Variants in CDKAL1 observed in about 807,000 individuals in gnomAD.
CDKAL1 encodes the protein threonylcarbamoyladenosine tRNA methylthiotransferase.
A neutral mutation model predicts 68.2 loss-of-function variants in CDKAL1; 32 were observed. That is an observed-to-expected ratio of 0.47 (90% confidence interval 0.35 to 0.63). The LOEUF (loss-of-function observed/expected upper bound fraction) is 0.63, where lower values mean the gene tolerates loss of function less well. Among genes scored for constraint, CDKAL1 ranks in the 30% least tolerant of loss-of-function variants. The pLI, the probability that CDKAL1 is intolerant of heterozygous loss-of-function variation, is 0.00. For missense variants in CDKAL1, 606 were observed against 696.7 expected (o/e 0.87, Z 1.47); for synonymous variants, 234 against 244.3 (o/e 0.96, Z 0.39).
intron 9 of CDKAL1, among the ~76,000 whole-genome samples, chr6:20,907,392 A>C (rs955917394): frequency 2.6e-5 from 4 of 152,226 alleles, no homozygotes; most frequent in African/African-American, 9.7e-5. Context: ...ACTGCACTCC[A>C]GTTTGGATGA....
chr6:21,029,635 G>GA (rs1391003900), intron 11 of CDKAL1, among the ~76,000 whole-genome samples: 1 of 151,922 alleles, frequency 6.6e-6, no homozygotes, highest in Admixed American at 6.6e-5. Flanking sequence ...AAATTTACAA[G>GA]AAAAAAACAA....
At chr6:21,072,679 T>C in intron 12 of CDKAL1, among the ~76,000 whole-genome samples, 1 of 150,720 alleles carries the variant, frequency 6.6e-6, no homozygotes, top group African/African-American at 2.4e-5. Flanking sequence ...AGAGTATCTT[T>C]TTTTTTTTTT....
intron 13 of CDKAL1, among the ~76,000 whole-genome samples, chr6:21,188,168 A>G (rs866699574): frequency 1.3e-5 from 2 of 151,900 alleles, no homozygotes; most frequent in African/African-American, 4.8e-5. Context: ...CATACTTGCA[A>G]TTTTTTTCTA....
At chr6:21,149,958 C>T (rs1401258036) in intron 13 of CDKAL1, among the ~76,000 whole-genome samples, 3 of 152,044 alleles carry the variant, frequency 2.0e-5, no homozygotes, top group Non-Finnish European at 2.9e-5. Context: ...CCTGGGTTCA[C>T]GCCATTCTCC....
chr6:20,635,949 A>G (rs1202793921), intron 4 of CDKAL1, among the ~76,000 whole-genome samples: 1 of 152,182 alleles, frequency 6.6e-6, no homozygotes, highest in Non-Finnish European at 1.5e-5. Flanking sequence ...GTAGGGTAAA[A>G]GAGTGTGATC....
At chr6:20,893,016 C>A (rs6456379) in intron 9 of CDKAL1, among the ~76,000 whole-genome samples, 53,745 of 151,992 alleles carry the variant, frequency 0.35, 10,694 homozygotes, top group South Asian at 0.44. Context: ...ACATTGGCTT[C>A]TTTTGTCCTG....
At position 21,145,058 on chromosome 6, in the gene CDKAL1, C is replaced by T. The variant is rs115128029; in HGVS notation, c.1299+36595C>T. Among the ~76,000 whole-genome samples, 801 of 152,212 alleles carry T rather than the reference C, an allele frequency of 5.3e-3. 10 individuals are homozygous for T. The highest frequency in any genetic ancestry group is 0.018 in the African/African-American group (756 of 41,528). ...GTCCCCTTAGGCTGCCCAGAGCCTTCAGGATTGTAATGTCTTACACATGTT... is the reference window on the plus strand; with the variant it reads ...GTCCCCTTAGGCTGCCCAGAGCCTTTAGGATTGTAATGTCTTACACATGTT... On this transcript the variant is annotated intron_variant, in intron 13 of 15. Coordinates refer to ENST00000274695, the MANE Select transcript of CDKAL1 (RefSeq NM_017774.3).
chr6:20,650,733 A>T (rs186275241), intron 5 of CDKAL1, among the ~76,000 whole-genome samples: 1 of 152,204 alleles, frequency 6.6e-6, no homozygotes, highest in African/African-American at 2.4e-5. Flanking sequence ...TTTTTGTATA[A>T]GGTATAAGGA....
intron 2 of CDKAL1, among the ~76,000 whole-genome samples, chr6:20,543,207 A>G (rs572478645): frequency 6.6e-5 from 10 of 152,362 alleles, no homozygotes; most frequent in Admixed American, 2.0e-4. Context: ...GCTGGGTTGC[A>G]TCACAGTCAT....
chr6:20,826,649 A>G (rs1777515095), intron 8 of CDKAL1, among the ~76,000 whole-genome samples: 1 of 152,186 alleles, frequency 6.6e-6, no homozygotes, highest in Non-Finnish European at 1.5e-5. Context: ...CATACTAATC[A>G]CGAACTCCGT....
chr6:20,913,012 C>CA (rs554393179), intron 9 of CDKAL1, among the ~76,000 whole-genome samples: 1 of 147,420 alleles, frequency 6.8e-6, no homozygotes, highest in Non-Finnish European at 1.5e-5. Flanking sequence ...AAAAAGAAAA[C>CA]AAAAAAAAGT....
At chr6:20,722,489 GA>G in intron 5 of CDKAL1, 2 of 315,052 alleles carry the variant, frequency 6.3e-6, no homozygotes, top group Non-Finnish European at 1.2e-5. Flanking sequence ...CAGAATTCCA[GA>G]AAATGGGTTT....
chr6:20,679,495 G>A (rs974717295), intron 5 of CDKAL1, among the ~76,000 whole-genome samples: 1 of 152,094 alleles, frequency 6.6e-6, no homozygotes, highest in African/African-American at 2.4e-5. Flanking sequence ...CAGTTATGTA[G>A]CAATGAGCTC....
At chr6:21,177,695 T>C (rs1021490205) in intron 13 of CDKAL1, among the ~76,000 whole-genome samples, 2 of 151,812 alleles carry the variant, frequency 1.3e-5, no homozygotes, top group Non-Finnish European at 2.9e-5. Flanking sequence ...CAAAGAGATA[T>C]ATTATCTCCA....
intron 9 of CDKAL1, among the ~76,000 whole-genome samples, chr6:20,878,378 T>A (rs900881091): frequency 1.3e-5 from 2 of 152,198 alleles, no homozygotes; most frequent in African/African-American, 2.4e-5. Flanking sequence ...TACCCTGCCT[T>A]TTTTCCTACA....
Position 20,885,950 on chromosome 6 carries a change from A to G in CDKAL1, c.742+39772A>G, listed in dbSNP as rs1055973959. Among the ~76,000 whole-genome samples, 10 of 152,072 alleles carry G rather than the reference A, an allele frequency of 6.6e-5. No homozygotes were observed. In the South Asian group the frequency reaches 8.3e-4, roughly 13 times the overall value. On this transcript the variant is annotated intron_variant, in intron 9 of 15. Transcript: ENST00000274695. The stretch of plus-strand genomic sequence containing the variant: ...ATAAAAAAACAAAAATTACCCAGAA[A>G]TCGCTTGAACCAGGAGGGAGAGGTT...
At chr6:21,167,848 A>G (rs1006651321) in intron 13 of CDKAL1, among the ~76,000 whole-genome samples, 1 of 152,220 alleles carries the variant, frequency 6.6e-6, no homozygotes, top group African/African-American at 2.4e-5. Context: ...AGCTGATGTT[A>G]TAATCTATGT....
chr6:20,914,145 C>A (rs1762609715), intron 9 of CDKAL1, among the ~76,000 whole-genome samples: 1 of 151,962 alleles, frequency 6.6e-6, no homozygotes, highest in Admixed American at 6.6e-5. Context: ...AAAAAATTAG[C>A]TGGGCGTGGT....
intron 14 of CDKAL1, among the ~76,000 whole-genome samples, chr6:21,199,007 G>A (rs1268070707): frequency 2.6e-5 from 4 of 152,210 alleles, no homozygotes; most frequent in Non-Finnish European, 5.9e-5. Flanking sequence ...AGACTGTCAT[G>A]GGCGTACGGA....
Sources: allele counts gnomAD v4.1 joint callset (sites outside exome capture counted in the v4.1 genomes callset), GRCh38; gene constraint gnomAD v4.1.1; transcripts MANE v1.5; gene names NCBI Gene and HGNC (gene_info 2026-07-23, HGNC 2026-07-21).